Variants in NFIC observed in about 807,000 individuals in gnomAD.
NFIC encodes the protein nuclear factor I C, also known as nuclear factor 1 C-type.
NFIC carries 12 observed loss-of-function variants against 54.4 expected under a neutral mutation model. The ratio of observed to expected loss-of-function variants is 0.22; its 90% CI spans 0.14 to 0.36. NFIC has a LOEUF of 0.36. NFIC is among the 10% of genes least tolerant of loss of function. The pLI, the probability that NFIC is intolerant of heterozygous loss-of-function variation, is 1.00. For synonymous variants in NFIC, 322 were observed against 319.2 expected, an observed-to-expected ratio of 1.01 and a Z score of -0.09; for missense variants, 575 against 718.2, an observed-to-expected ratio of 0.80 and a Z score of 2.28.
intron 2 of NFIC, among the ~76,000 whole-genome samples, chr19:3,382,989 G>A (rs1298728523): frequency 6.6e-6 from 1 of 151,018 alleles, no homozygotes; most frequent in Non-Finnish European, 1.5e-5. Context: ...GGTAGAGGCA[G>A]GATCTCACCC....
chr19:3,364,303 C>T (rs1457044466), upstream of NFIC, among the ~76,000 whole-genome samples: 2 of 152,142 alleles, frequency 1.3e-5, no homozygotes, highest in South Asian at 2.1e-4. Flanking sequence ...CTGTTGTAAC[C>T]ACGGGCAGGT....
At chr19:3,407,360 G>GCATA (rs1942745658) in intron 2 of NFIC, among the ~76,000 whole-genome samples, 4 of 152,042 alleles carry the variant, frequency 2.6e-5, no homozygotes, top group African/African-American at 9.7e-5. Context: ...TGATCCACCC[G>GCATA]CCTCGGCCTC....
intron 2 of NFIC, among the ~76,000 whole-genome samples, chr19:3,410,290 A>G (rs898196338): frequency 5.3e-5 from 8 of 152,174 alleles, no homozygotes; most frequent in Admixed American, 5.2e-4. Context: ...AGAGCCTCTC[A>G]ACACTAGCAT....
Position 3,375,875 on chromosome 19 carries a change from G to A in NFIC, c.31-5837G>A, listed in dbSNP as rs1408634203. On this transcript the variant is annotated intron_variant, in intron 1 of 10. Coordinates refer to ENST00000443272, the MANE Select transcript of NFIC (RefSeq NM_001245002.2). This position sits in a 1 kb window ranked among gnomAD's most constrained non-coding sequence, Gnocchi z 4.6. The stretch of plus-strand genomic sequence containing the variant: ...GGACCGAGTCCAGCCACATCCGCTG[G>A]CACACACAGTGGGAGTCCAGGGTCA... 1.3e-5 allele frequency among the ~76,000 whole-genome samples: 2 copies of A among 152,176 alleles called. No homozygotes were observed. Among genetic ancestry groups the A allele is most frequent in the South Asian group, 2.1e-4 (1 of 4,836 alleles).
At chr19:3,430,943 AAAAG>A (rs1329713368) in intron 3 of NFIC, among the ~76,000 whole-genome samples, 9 of 145,656 alleles carry the variant, frequency 6.2e-5, no homozygotes, top group Non-Finnish European at 9.3e-5. Context: ...AAAAAAAAAA[AAAAG>A]AAAAGAAAAA....
Position 3,463,618 on chromosome 19 carries a change from C to G in NFIC, c.*849C>G, listed in dbSNP as rs1045722905. 3.1e-6 allele frequency: 3 copies of G among 960,704 alleles called. No individual in the cohort carries two copies. Among genetic ancestry groups the G allele is most frequent in the Non-Finnish European group, 3.7e-6 (3 of 808,408 alleles). The allele number at this position is 960,704 out of a possible 1,614,324, so 59.5% of individuals were successfully genotyped here. A position where few individuals can be genotyped will look rare whatever the true frequency, so the allele number is the denominator to read the frequency against. ...GGAGAAGTCTCTATGCAATTGGCCC[C>G]GGCCCCTCCACCCCCCACCCCCGGC... On this transcript the variant is annotated 3_prime_UTR_variant, in exon 11 of 11. Transcript: ENST00000443272.
Position 3,381,644 on chromosome 19 carries a change from G to A in NFIC, c.31-68G>A, listed in dbSNP as rs982867739. 5.8e-6 allele frequency: 9 copies of A among 1,539,676 alleles called. No homozygotes were observed. In the African/African-American group the frequency reaches 7.2e-5, roughly 12 times the overall value. On this transcript the variant is annotated intron_variant, in intron 1 of 10. Transcript: ENST00000443272. ...CAGGGCCCCTCCGACCTCAGCCTTC[G>A]GGGCCGGGCAGTGGGTCCGCCCTCT...
chr19:3,374,392 G>A (rs912920726), intron 1 of NFIC, among the ~76,000 whole-genome samples: 1 of 152,180 alleles, frequency 6.6e-6, no homozygotes, highest in Admixed American at 6.5e-5. Flanking sequence ...CACCAGGCAA[G>A]CTCCCCTGTC....
chr19:3,426,595 C>T (rs1234391299), intron 3 of NFIC, among the ~76,000 whole-genome samples: 2 of 152,142 alleles, frequency 1.3e-5, no homozygotes, highest in Non-Finnish European at 2.9e-5. Flanking sequence ...CAGCCATCCA[C>T]GGCTCCCACC....
Position 3,464,003 on chromosome 19 carries a change from CAGAGCTGGGCGT to C in NFIC, c.*1235_*1246del, listed in dbSNP as rs2082680781. On this transcript the variant is annotated 3_prime_UTR_variant, in exon 11 of 11. Transcript: ENST00000443272. ...TGGGGCCCCTGCGTGGCCCGAGGGG[CAGAGCTGGGCGT>C]CACTTCGCAAGCGTCCTGCCCTGCC... 2.0e-6 allele frequency: 2 copies of C among 985,310 alleles called. No individual in the cohort carries two copies. Among genetic ancestry groups the C allele is most frequent in the Non-Finnish European group, 2.4e-6 (2 of 829,924 alleles). The allele number at this position is 985,310 out of a possible 1,614,324, so 61.0% of individuals were successfully genotyped here.
At chr19:3,403,327 G>A (rs1184736986) in intron 2 of NFIC, among the ~76,000 whole-genome samples, 5 of 152,148 alleles carry the variant, frequency 3.3e-5, no homozygotes, top group African/African-American at 7.2e-5. Flanking sequence ...TTCAAGTTCC[G>A]TTGTCCAACT....
upstream of NFIC, among the ~76,000 whole-genome samples, chr19:3,363,059 T>C (rs914850664): frequency 6.6e-6 from 1 of 151,994 alleles, no homozygotes; most frequent in South Asian, 2.1e-4. Context: ...ATCACCCCCA[T>C]TCCTGGGTGG....
intron 2 of NFIC, among the ~76,000 whole-genome samples, chr19:3,412,645 C>G (rs2081783008): frequency 6.6e-6 from 1 of 152,164 alleles, no homozygotes; most frequent in African/African-American, 2.4e-5. Flanking sequence ...TTTGCTTACC[C>G]TCTCTGGGTA....
At chr19:3,403,768 C>A (rs975713296) in intron 2 of NFIC, among the ~76,000 whole-genome samples, 1 of 152,174 alleles carries the variant, frequency 6.6e-6, no homozygotes, top group Non-Finnish European at 1.5e-5. Context: ...GTTGGAGACG[C>A]GCCCCAAGAA....
At chr19:3,435,616 A>C (rs1033739989) in intron 6 of NFIC, among the ~76,000 whole-genome samples, 2 of 151,484 alleles carry the variant, frequency 1.3e-5, no homozygotes, top group African/African-American at 4.9e-5. Flanking sequence ...AGGTCCTGAG[A>C]TGCCGGATCC....
intron 1 of NFIC, among the ~76,000 whole-genome samples, chr19:3,380,935 T>A (rs1480853912): frequency 6.6e-6 from 1 of 152,132 alleles, no homozygotes; most frequent in Non-Finnish European, 1.5e-5. Context: ...ATTACAAGTG[T>A]GAGCCATTAC....
intron 1 of NFIC, chr19:3,359,723 CT>C: frequency 5.7e-6 from 8 of 1,415,612 alleles, no homozygotes; most frequent in Admixed American, 2.5e-5. Context: ...CGCCCGGGGA[CT>C]TTTTGGGGTG....
At chr19:3,436,108 G>A (rs2082198049) in intron 6 of NFIC, among the ~76,000 whole-genome samples, 2 of 151,158 alleles carry the variant, frequency 1.3e-5, no homozygotes, top group South Asian at 2.1e-4. Context: ...GATTACAGGC[G>A]TGAGCCACCA....
chr19:3,378,400 T>A (rs530689044), intron 1 of NFIC, among the ~76,000 whole-genome samples: 1 of 152,164 alleles, frequency 6.6e-6, no homozygotes, highest in South Asian at 2.1e-4. Flanking sequence ...CCAGCTGAGA[T>A]CCCAAATGCT....
Sources: allele counts gnomAD v4.1 joint callset (sites outside exome capture counted in the v4.1 genomes callset), GRCh38; gene constraint gnomAD v4.1.1; non-coding constraint Gnocchi (gnomAD v3.1); transcripts MANE v1.5; gene names NCBI Gene and HGNC (gene_info 2026-07-23, HGNC 2026-07-21).